PARD6B: variants seen among roughly 807,000 people sequenced by gnomAD.
The protein encoded by PARD6B is partitioning defective 6 homolog beta.
A neutral mutation model predicts 10.5 loss-of-function variants in PARD6B; 4 were observed. That is an observed-to-expected ratio of 0.38 (90% CI 0.19 to 0.87). The LOEUF (loss-of-function observed/expected upper bound fraction) is 0.87, where lower values mean the gene tolerates loss of function less well. Among genes scored for constraint, PARD6B ranks in the 40% least tolerant of loss-of-function variants. The probability of loss-of-function intolerance (pLI) is 0.41; values close to 1 mark genes in which losing one functional copy is unlikely to be tolerated. For synonymous variants in PARD6B, 169 were observed against 170.4 expected, an observed-to-expected ratio of 0.99 and a Z score of 0.07; for missense variants, 396 against 470.6, an observed-to-expected ratio of 0.84 and a Z score of 1.47.
At position 50,747,489 on chromosome 20, in the gene PARD6B, C is replaced by CTTTTTTTTTTTTTTTTTTTTTTTTT. The variant is rs58629233; in HGVS notation, c.290-2147_290-2146insTTTTTTTTTTTTTTTTTTTTTTTTT. Reference sequence around the variant, plus strand: ...TTTCTTTTTCTTTTTTTCTTTCTTTCTTTTTTTTTTTTTTTTTTTTTTTGC... The same window carrying CTTTTTTTTTTTTTTTTTTTTTTTTT: ...TTTCTTTTTCTTTTTTTCTTTCTTTCTTTTTTTTTTTTTTTTTTTTTTTTTTTTTTTTTTTTTTTTTTTTTTTTGC... On this transcript the variant is annotated intron_variant, in intron 2 of 2. Transcript: ENST00000371610. Among the ~76,000 whole-genome samples, 23 of 33,354 alleles carry CTTTTTTTTTTTTTTTTTTTTTTTTT rather than the reference C, an allele frequency of 6.9e-4. 3 individuals are homozygous for CTTTTTTTTTTTTTTTTTTTTTTTTT. The highest frequency in any genetic ancestry group is 3.5e-3 in the South Asian group (2 of 578). 21.9% of individuals were successfully genotyped at this position (33,354 alleles called of 152,430 possible).
chr20:50,745,590 C>G (rs572636169), intron 2 of PARD6B, among the ~76,000 whole-genome samples: 17 of 152,284 alleles, frequency 1.1e-4, no homozygotes, highest in East Asian at 1.9e-4. Context: ...GCTTCGACCT[C>G]TCAGGCTCAA....
At chr20:50,735,496 C>T (rs1369704921) in intron 1 of PARD6B, among the ~76,000 whole-genome samples, 5 of 152,160 alleles carry the variant, frequency 3.3e-5, no homozygotes, top group Non-Finnish European at 4.4e-5. Flanking sequence ...GAAGGGAGTC[C>T]ATACACATTC....
At position 50,750,275 on chromosome 20, in the gene PARD6B, A is replaced by G. The variant is rs372319099; in HGVS notation, c.906A>G (p.Gly302=). 6.2e-7 allele frequency: 1 copy of G among 1,614,118 alleles called. No homozygotes were observed. Among genetic ancestry groups the G allele is most frequent in the Non-Finnish European group, 8.5e-7 (1 of 1,180,052 alleles). The change falls in exon 3 of 3, where the codon GGA becomes GGG. Residue 302 remains glycine, a synonymous_variant. Coordinates refer to ENST00000371610, the MANE Select transcript of PARD6B (RefSeq NM_032521.3). ...EEDDIIIEDN[G]VPQQIPKAVP... is the part of the protein sequence containing the mutation. ...ATGACATTATCATTGAAGACAATGG[A>G]GTGCCACAGCAGATTCCAAAAGCTG...
At chr20:50,741,176 G>A (rs537682192) in intron 2 of PARD6B, among the ~76,000 whole-genome samples, 1 of 152,116 alleles carries the variant, frequency 6.6e-6, no homozygotes, top group Non-Finnish European at 1.5e-5. Flanking sequence ...GGCCAGGCTG[G>A]TCTCGAACTC....
chr20:50,741,841 C>T (rs2087532513), intron 2 of PARD6B, among the ~76,000 whole-genome samples: 2 of 151,802 alleles, frequency 1.3e-5, no homozygotes, highest in Non-Finnish European at 2.9e-5. Flanking sequence ...CCACCGCGCC[C>T]GGCCGCACTC....
At chr20:50,747,808 A>C (rs557081156) in intron 2 of PARD6B, among the ~76,000 whole-genome samples, 16 of 152,210 alleles carry the variant, frequency 1.1e-4, no homozygotes, top group African/African-American at 3.6e-4. Context: ...AAAGATCGCA[A>C]GATTTTGCCT....
rs757876959 is a variant in PARD6B at position 50,731,815 on chromosome 20, G to A, written c.29G>A (p.Gly10Asp). The A allele has an allele frequency of 6.8e-7, 1 of 1,463,676 alleles. No homozygotes were observed. The highest frequency in any genetic ancestry group is 9.0e-7 in the Non-Finnish European group (1 of 1,113,448). 90.7% of individuals were successfully genotyped at this position (1,463,676 alleles called of 1,614,324 possible). A position where few individuals can be genotyped will look rare whatever the true frequency, so the allele number is the denominator to read the frequency against. The change falls in exon 1 of 3, where the codon GGC (glycine) becomes GAC (aspartate). Residue 10 changes from glycine to aspartate, a missense_variant. Physicochemically the swap from Gly to Asp is moderately conservative, Grantham distance 94. Around this residue, in one of 2 missense-constraint regions of PARD6B, gnomAD observed 208 missense variants for 300.9 expected, o/e 0.69. Transcript: ENST00000371610. ...AACCGCAGCCACCGGCACGGGGCGGGCAGCGGCTGCCTGGGCACTATGGAG... is the reference window on the plus strand; with the variant it reads ...AACCGCAGCCACCGGCACGGGGCGGACAGCGGCTGCCTGGGCACTATGGAG... MNRSHRHGAGSGCLGTMEVK... is the reference protein window; with the variant it reads MNRSHRHGADSGCLGTMEVK...
Position 50,752,631 on chromosome 20 carries a change from ATTAAC to A in PARD6B, c.*2146_*2150del. The A allele has an allele frequency of 3.1e-6, 3 of 980,812 alleles. No individual in the cohort carries two copies. Among genetic ancestry groups the A allele is most frequent in the Non-Finnish European group, 3.6e-6 (3 of 825,340 alleles). The allele number at this position is 980,812 out of a possible 1,614,324, so 60.8% of individuals were successfully genotyped here. On this transcript the variant is annotated 3_prime_UTR_variant, in exon 3 of 3. Coordinates refer to ENST00000371610, the MANE Select transcript of PARD6B (RefSeq NM_032521.3). The stretch of plus-strand genomic sequence containing the variant: ...ATGGCTTATGGAGAGTTATTTATTA[ATTAAC>A]TTTATGGTAGGGCTAGTATGAATAC...
At chr20:50,746,613 TC>T (rs1459604701) in intron 2 of PARD6B, among the ~76,000 whole-genome samples, 2 of 152,204 alleles carry the variant, frequency 1.3e-5, no homozygotes, top group African/African-American at 4.8e-5. Context: ...ATATTTTCTT[TC>T]CCAGTGGCTG....
chr20:50,743,084 AT>A (rs1345683364), intron 2 of PARD6B, among the ~76,000 whole-genome samples: 1 of 152,200 alleles, frequency 6.6e-6, no homozygotes, highest in Non-Finnish European at 1.5e-5. Flanking sequence ...TGCACTAAAA[AT>A]TTTTAAAAAA....
At chr20:50,747,810 A>T (rs762178752) in intron 2 of PARD6B, among the ~76,000 whole-genome samples, 14 of 152,022 alleles carry the variant, frequency 9.2e-5, no homozygotes, top group Non-Finnish European at 1.6e-4. Context: ...AGATCGCAAG[A>T]TTTTGCCTAA....
chr20:50,731,987 T>G, intron 1 of PARD6B, 135 bp downstream of exon 1: 2 of 609,616 alleles, frequency 3.3e-6, no homozygotes, highest in Non-Finnish European at 2.4e-6. Context: ...GTCGGGAGAC[T>G]GTGGGTAATA....
rs886924782 is a variant in PARD6B at position 50,735,011 on chromosome 20, G to A, written c.67-2846G>A. 2.2e-4 allele frequency among the ~76,000 whole-genome samples: 34 copies of A among 152,226 alleles called. No homozygotes were observed. The East Asian group carries it at 4.6e-3, about 21-fold the overall frequency. ...CTAAAAATATAAAAATTAGTGGGGCGTGATGGCATATGCCTGTAATCCCAG... is the reference window on the plus strand; with the variant it reads ...CTAAAAATATAAAAATTAGTGGGGCATGATGGCATATGCCTGTAATCCCAG... On this transcript the variant is annotated intron_variant, in intron 1 of 2. Transcript: ENST00000371610.
chr20:50,746,621 G>A (rs1478830611), intron 2 of PARD6B, among the ~76,000 whole-genome samples: 4 of 152,150 alleles, frequency 2.6e-5, no homozygotes, highest in Non-Finnish European at 5.9e-5. Flanking sequence ...TTTCCCAGTG[G>A]CTGGAAACTG....
At chr20:50,743,739 A>C (rs2087544176) in intron 2 of PARD6B, among the ~76,000 whole-genome samples, 1 of 152,004 alleles carries the variant, frequency 6.6e-6, no homozygotes, top group Non-Finnish European at 1.5e-5. Flanking sequence ...ATACAAAAAA[A>C]TTAGCCGGGC....
chr20:50,749,589 C>A (rs1316970496), intron 2 of PARD6B, 70 bp from the exon 3 acceptor site: 8 of 1,293,458 alleles, frequency 6.2e-6, no homozygotes, highest in Non-Finnish European at 8.4e-6. Context: ...CCTTTCTGTA[C>A]AGATTCAGCT....
At position 50,750,364 on chromosome 20, in the gene PARD6B, A is replaced by G. The variant is rs1306401685; in HGVS notation, c.995A>G (p.Asn332Ser). Residue 332 changes from asparagine (N) to serine (S), a missense_variant, in exon 3 of 3, where the codon AAT becomes AGT. Transcript: ENST00000371610. ...GAGCTAAGCTTTGAGTCTGGACAGA[A>G]TGGCTTTATTCCCTCTAATGAAGTG... ...QIELSFESGQ[N>S]GFIPSNEVSL... 1 of 1,614,090 alleles carries G rather than the reference A, an allele frequency of 6.2e-7. No homozygotes were observed. Among genetic ancestry groups the G allele is most frequent in the Non-Finnish European group, 8.5e-7 (1 of 1,180,036 alleles).
chr20:50,752,711 G>A lies in PARD6B; in HGVS notation c.*2223G>A, dbSNP rs112854632. ...CAACAATGAAGATTCAAATGACTCCGCTTTGAAGGATGTTTTCTCTATATG... is the reference window on the plus strand; with the variant it reads ...CAACAATGAAGATTCAAATGACTCCACTTTGAAGGATGTTTTCTCTATATG... On this transcript the variant is annotated 3_prime_UTR_variant, in exon 3 of 3. Transcript: ENST00000371610. 3.9e-3 allele frequency: 3,847 copies of A among 980,504 alleles called. 81 individuals are homozygous for A. In the African/African-American group the frequency reaches 0.049, roughly 13 times the overall value. The allele number at this position is 980,504 out of a possible 1,614,324, so 60.7% of individuals were successfully genotyped here.
At position 50,752,198 on chromosome 20, in the gene PARD6B, T is replaced by C; in HGVS notation, c.*1710T>C. The C allele has an allele frequency of 3.0e-6, 3 of 985,734 alleles. No homozygotes were observed. The highest frequency in any genetic ancestry group is 2.3e-4 in the East Asian group (2 of 8,818). The allele number at this position is 985,734 out of a possible 1,614,324, so 61.1% of individuals were successfully genotyped here. ...CCATTCCCAGTCTCATTTGAAATCA[T>C]TCCTTTTATTGTTAGTGTGTGTATT... On this transcript the variant is annotated 3_prime_UTR_variant, in exon 3 of 3. Coordinates refer to ENST00000371610, the MANE Select transcript of PARD6B (RefSeq NM_032521.3).
Sources: allele counts gnomAD v4.1 joint callset (sites outside exome capture counted in the v4.1 genomes callset), GRCh38; gene constraint gnomAD v4.1.1; regional missense constraint gnomAD v4.1.1; transcripts MANE v1.5; gene names NCBI Gene and HGNC (gene_info 2026-07-23, HGNC 2026-07-21).